The following SLC35B4 variants were observed in gnomAD, a reference collection of about 807,000 sequenced individuals.
SLC35B4 encodes solute carrier family 35 member B4.
A neutral mutation model predicts 39.5 loss-of-function variants in SLC35B4; 28 were observed. The observed-to-expected ratio is 0.71, with a 90% CI of 0.53 to 0.97. SLC35B4 has a LOEUF of 0.97. SLC35B4 is among the 50% of genes least tolerant of loss of function. The pLI is 0.00. For synonymous variants in SLC35B4, 145 were observed against 150.4 expected (o/e 0.96, Z 0.26); for missense variants, 334 against 414.3 (o/e 0.81, Z 1.68).
At chr7:134,316,599 GT>G (rs1335137554) in intron 1 of SLC35B4, 75 bp downstream of exon 1, 2 of 1,471,636 alleles carry the variant, frequency 1.4e-6, no homozygotes, top group East Asian at 5.0e-5. Context: ...GCGTGGGCGC[GT>G]CCCGGGGGGA....
In SLC35B4 at chr7:134,293,347, A is replaced by C. The variant is rs1452170068; in HGVS notation, c.*1486T>G. 6.6e-6 allele frequency: 1 copy of C among 152,230 alleles called. No individual in the cohort carries two copies. Among genetic ancestry groups the C allele is most frequent in the Non-Finnish European group, 1.5e-5 (1 of 68,032 alleles). 9.4% of individuals were successfully genotyped at this position (152,230 alleles called of 1,614,324 possible). On this transcript the variant is annotated 3_prime_UTR_variant, in exon 10 of 10. Coordinates refer to ENST00000378509, the MANE Select transcript of SLC35B4 (RefSeq NM_032826.5). ...CACAGAAGCTACGCATATTACAGCA[A>C]CAGCGTTCCTCCTATTCAAGATTGT...
intron 4 of SLC35B4, among the ~76,000 whole-genome samples, chr7:134,302,967 T>C (rs1202281361): frequency 6.6e-6 from 1 of 152,108 alleles, no homozygotes; most frequent in South Asian, 2.1e-4. Context: ...TAAAAAATAA[T>C]GAACCTCTTC....
intron 8 of SLC35B4, among the ~76,000 whole-genome samples, chr7:134,297,665 C>CTGT (rs1304343367): frequency 6.6e-6 from 1 of 152,182 alleles, no homozygotes; most frequent in African/African-American, 2.4e-5. Context: ...CAGACATGGT[C>CTGT]TAGAAGAAAA....
At chr7:134,319,603 C>T (rs1804063110), upstream of SLC35B4, among the ~76,000 whole-genome samples, 1 of 152,190 alleles carries the variant, frequency 6.6e-6, no homozygotes, top group Middle Eastern at 3.4e-3. Context: ...AGTGATCCTG[C>T]GTGTGTGTCT....
chr7:134,307,731 G>A lies in SLC35B4; in HGVS notation c.192-957C>T, dbSNP rs140309214. The stretch of plus-strand genomic sequence containing the variant: ...GATATGACAGCACTGAGTCCTAAGT[G>A]ATCTTCCCTGAAAGAACCGATTCTG... On this transcript the variant is annotated intron_variant, in intron 2 of 9. Coordinates refer to ENST00000378509, the MANE Select transcript of SLC35B4 (RefSeq NM_032826.5). Among the ~76,000 whole-genome samples the A allele has an allele frequency of 3.6e-3, 546 of 152,284 alleles. 2 individuals are homozygous for A. Among genetic ancestry groups the A allele is most frequent in the African/African-American group, 0.012 (511 of 41,556 alleles).
At position 134,302,105 on chromosome 7, in the gene SLC35B4, C is replaced by G. The variant is rs1239927401; in HGVS notation, c.350G>C (p.Ser117Thr). The G allele has an allele frequency of 1.2e-6, 2 of 1,607,812 alleles. No homozygotes were observed. Among genetic ancestry groups the G allele is most frequent in the Non-Finnish European group, 8.5e-7 (1 of 1,178,542 alleles). ...GGCAATGGAGGTATATTTGAATATA[C>G]TGTATCTGCAAAAAAGAAAAAAAAG... ...LGIIILKKRY[S>T]IFKYTSIALV... The change falls in exon 5 of 10, where the codon AGT (serine) becomes ACT (threonine). Residue 117 changes from serine to threonine, a missense_variant. Ser to Thr is a moderately conservative substitution (Grantham distance 58, BLOSUM62 1). Coordinates refer to ENST00000378509, the MANE Select transcript of SLC35B4 (RefSeq NM_032826.5).
rs79715669 is a variant in SLC35B4 at position 134,307,539 on chromosome 7, C to A, written c.192-765G>T. Among the ~76,000 whole-genome samples the A allele has an allele frequency of 9.8e-3, 1,485 of 152,200 alleles. 20 individuals carry two copies. Among genetic ancestry groups the A allele is most frequent in the African/African-American group, 0.034 (1,409 of 41,498 alleles). On this transcript the variant is annotated intron_variant, in intron 2 of 9. Coordinates refer to ENST00000378509, the MANE Select transcript of SLC35B4 (RefSeq NM_032826.5). ...TTATAGGTCAAAAAGAGTTGAATGTCAGAAATTTCATATGACTCAACTTCC... is the reference window on the plus strand; with the variant it reads ...TTATAGGTCAAAAAGAGTTGAATGTAAGAAATTTCATATGACTCAACTTCC...
At chr7:134,296,568 C>T in intron 8 of SLC35B4, 102 bp from the exon 9 acceptor site, 4 of 757,484 alleles carry the variant, frequency 5.3e-6, no homozygotes, top group Middle Eastern at 3.2e-4. Context: ...GGAACAGCAA[C>T]ATTGTCTTCC....
At chr7:134,297,656 A>G (rs1019519844) in intron 8 of SLC35B4, among the ~76,000 whole-genome samples, 3 of 152,276 alleles carry the variant, frequency 2.0e-5, no homozygotes, top group African/African-American at 4.8e-5. Context: ...CTCTGTAAAC[A>G]GACATGGTCT....
intron 1 of SLC35B4, among the ~76,000 whole-genome samples, chr7:134,312,107 C>G (rs1439052107): frequency 6.6e-6 from 1 of 152,108 alleles, no homozygotes; most frequent in Non-Finnish European, 1.5e-5. Context: ...GCGCCTGCCA[C>G]AGAGTGAAAA....
At position 134,295,016 on chromosome 7, in the gene SLC35B4, G is replaced by C; in HGVS notation, c.813C>G (p.Leu271=). Residue 271 remains leucine (L), a synonymous_variant, in exon 10 of 10, where the codon CTC becomes CTG. Transcript: ENST00000378509. ...TCACAAATTTGCGTAGGGTCACGAC[G>C]AGCGTGACGGTGAGGGAGGCGCATT... ...TTECASLTVT[L]VVTLRKFVSL... is the part of the protein sequence containing the mutation. The C allele has an allele frequency of 6.2e-7, 1 of 1,614,154 alleles. No homozygotes were observed. The highest frequency in any genetic ancestry group is 8.5e-7 in the Non-Finnish European group (1 of 1,180,024).
chr7:134,315,388 C>T (rs529845748), intron 1 of SLC35B4, among the ~76,000 whole-genome samples: 2 of 152,198 alleles, frequency 1.3e-5, no homozygotes, highest in Non-Finnish European at 2.9e-5. Context: ...CTGAAATGCT[C>T]TAAAAAATAT....
At chr7:134,315,653 C>CAAAAAAAAAAAAAAAAAA (rs1247170575) in intron 1 of SLC35B4, among the ~76,000 whole-genome samples, 1 of 144,286 alleles carries the variant, frequency 6.9e-6, no homozygotes, top group Non-Finnish European at 1.5e-5. Context: ...AAAAAAAAAA[C>CAAAAAAAAAAAAAAAAAA]AAAAAACAAA....
rs1803374540 is a variant in SLC35B4 at position 134,293,221 on chromosome 7, A to T, written c.*1612T>A. 1 of 152,126 alleles carries T rather than the reference A, an allele frequency of 6.6e-6. No individual in the cohort carries two copies. The highest frequency in any genetic ancestry group is 1.5e-5 in the Non-Finnish European group (1 of 68,152). The allele number at this position is 152,126 out of a possible 1,614,324, so 9.4% of individuals were successfully genotyped here. ...CGGTGAGTTCAGCTGCTTACAGAGG[A>T]GCATGTACTGGTATGTAAGGTTCCA... On this transcript the variant is annotated 3_prime_UTR_variant, in exon 10 of 10. Coordinates refer to ENST00000378509, the MANE Select transcript of SLC35B4 (RefSeq NM_032826.5).
chr7:134,303,331 T>C (rs1317363811), intron 4 of SLC35B4, among the ~76,000 whole-genome samples: 2 of 152,164 alleles, frequency 1.3e-5, no homozygotes, highest in African/African-American at 2.4e-5. Flanking sequence ...ATTTCTCTTA[T>C]AACATGTTCT....
At chr7:134,310,740 C>T (rs976764682) in intron 1 of SLC35B4, among the ~76,000 whole-genome samples, 9 of 151,764 alleles carry the variant, frequency 5.9e-5, no homozygotes, top group East Asian at 1.9e-4. Flanking sequence ...GTAGAGACAG[C>T]GTTTCACTGT....
chr7:134,315,970 A>T (rs1481485586), intron 1 of SLC35B4, among the ~76,000 whole-genome samples: 1 of 147,702 alleles, frequency 6.8e-6, no homozygotes, highest in East Asian at 2.0e-4. Flanking sequence ...CTCTCAGGTC[A>T]CTTGGACCAA....
rs973521277 is a variant in SLC35B4, at chr7:134,289,900, G to T, written c.*4933C>A. The T allele has an allele frequency of 6.6e-6, 1 of 152,060 alleles. No individual in the cohort carries two copies. The highest frequency in any genetic ancestry group is 2.4e-5 in the African/African-American group (1 of 41,394). The allele number at this position is 152,060 out of a possible 1,614,324, so 9.4% of individuals were successfully genotyped here. On this transcript the variant is annotated 3_prime_UTR_variant, in exon 10 of 10. Coordinates refer to ENST00000378509, the MANE Select transcript of SLC35B4 (RefSeq NM_032826.5). ...GGCTCCCTTGCAACTTGCCTCACTT[G>T]ATTAAAATTGACAAATTTTGGTAGG...
chr7:134,310,645 T>C (rs1336121807), intron 1 of SLC35B4, among the ~76,000 whole-genome samples: 1 of 151,706 alleles, frequency 6.6e-6, no homozygotes, highest in African/African-American at 2.4e-5. Flanking sequence ...CCCGGGTTCG[T>C]GCCATTCTCC....
Sources: gnomAD v4.1 joint callset for allele counts (sites outside exome capture counted in the v4.1 genomes callset) on GRCh38, gnomAD v4.1.1 for gene constraint, MANE v1.5 for transcripts, NCBI Gene and HGNC (gene_info 2026-07-23, HGNC 2026-07-21) for gene names.